RBMS3: variants seen among roughly 807,000 people sequenced by gnomAD.
The protein encoded by RBMS3 is RNA binding motif single stranded interacting protein 3, also known as RNA-binding motif, single-stranded-interacting protein 3.
RBMS3 carries 27 observed loss-of-function variants against 66.8 expected under a neutral mutation model. The observed-to-expected ratio is 0.40, with a 90% CI of 0.30 to 0.56. The LOEUF (loss-of-function observed/expected upper bound fraction) is 0.56. RBMS3 is among the 20% of genes least tolerant of loss of function. The pLI is 0.40. For synonymous variants in RBMS3, 188 were observed against 183.0 expected (o/e 1.03, Z -0.22); for missense variants, 513 against 549.5 (o/e 0.93, Z 0.66).
At chr3:29,812,116 T>A (rs1225286895) in intron 6 of RBMS3, among the ~76,000 whole-genome samples, 1 of 152,144 alleles carries the variant, frequency 6.6e-6, no homozygotes, top group Non-Finnish European at 1.5e-5. Context: ...GACAGGACAG[T>A]TAGGATCCAA....
At chr3:29,751,025 G>A (rs2055158554) in intron 5 of RBMS3, among the ~76,000 whole-genome samples, 1 of 152,084 alleles carries the variant, frequency 6.6e-6, no homozygotes, top group East Asian at 1.9e-4. Context: ...CATTTATTTT[G>A]TGAAAATGAT....
At chr3:29,284,862 CTT>C (rs773078453) in intron 1 of RBMS3, among the ~76,000 whole-genome samples, 15 of 112,772 alleles carry the variant, frequency 1.3e-4, no homozygotes, top group Middle Eastern at 6.5e-3. Context: ...ATGAATTTTT[CTT>C]TTTTTTTTTT....
chr3:29,358,002 C>T (rs955553742), intron 1 of RBMS3, among the ~76,000 whole-genome samples: 1 of 152,052 alleles, frequency 6.6e-6, no homozygotes, highest in African/African-American at 2.4e-5. Context: ...CTCTAGGTTG[C>T]CTGTTCACTC....
chr3:30,000,124 A>C (rs1699518056), intron 14 of RBMS3, among the ~76,000 whole-genome samples: 1 of 152,126 alleles, frequency 6.6e-6, no homozygotes, highest in African/African-American at 2.4e-5. Flanking sequence ...AGAATGGGAG[A>C]AAATGTTTGC....
Position 29,547,146 on chromosome 3 carries a change from G to A in RBMS3, c.308-39968G>A, listed in dbSNP as rs2045986188. Among the ~76,000 whole-genome samples the A allele has an allele frequency of 3.3e-5, 5 of 151,952 alleles. No homozygotes were observed. The South Asian group carries it at 1.0e-3, about 32-fold the overall frequency. ...ACATCACCATACCTGGCTAATTTTT[G>A]TAGAGACAGGGTCTGGCAACATTGT... On this transcript the variant is annotated intron_variant, in intron 3 of 14. Transcript: ENST00000383767.
chr3:29,414,293 T>C (rs1315221543), intron 1 of RBMS3, among the ~76,000 whole-genome samples: 5 of 152,198 alleles, frequency 3.3e-5, no homozygotes, highest in Non-Finnish European at 5.9e-5. Flanking sequence ...AATATATCTA[T>C]CCCATGAGAT....
intron 3 of RBMS3, among the ~76,000 whole-genome samples, chr3:29,496,195 CAAAAAAAA>C (rs60639896): frequency 5.4e-5 from 6 of 110,512 alleles, no homozygotes; most frequent in African/African-American, 3.1e-5. Flanking sequence ...CCGCCCACAT[CAAAAAAAA>C]AAAAAAAAAA....
intron 1 of RBMS3, among the ~76,000 whole-genome samples, chr3:29,375,511 A>G (rs993477735): frequency 1.3e-5 from 2 of 152,208 alleles, no homozygotes; most frequent in African/African-American, 4.8e-5. Flanking sequence ...TTCCAAGAAG[A>G]AAACAAATAA....
At chr3:29,708,586 T>G (rs1271856602) in intron 4 of RBMS3, among the ~76,000 whole-genome samples, 1 of 152,218 alleles carries the variant, frequency 6.6e-6, no homozygotes, top group Non-Finnish European at 1.5e-5. Flanking sequence ...CTGGATTTGA[T>G]ATTCCCACCC....
chr3:29,858,532 C>T (rs1382277232), intron 6 of RBMS3, among the ~76,000 whole-genome samples: 2 of 152,196 alleles, frequency 1.3e-5, no homozygotes, highest in East Asian at 1.9e-4. Flanking sequence ...TCTGTTGCTA[C>T]ATCAACCAAC....
intron 3 of RBMS3, among the ~76,000 whole-genome samples, chr3:29,532,248 ATATATATATATATG>A (rs1197276308): frequency 0.042 from 3,805 of 90,360 alleles, 131 homozygotes; most frequent in Non-Finnish European, 0.043. Flanking sequence ...ATATATATGT[ATATATATATATATG>A]TATATATATA....
chr3:29,543,790 G>A (rs111765354), intron 3 of RBMS3, among the ~76,000 whole-genome samples: 1,713 of 152,174 alleles, frequency 0.011, 22 homozygotes, highest in African/African-American at 0.035. Context: ...ATTGCTTAAG[G>A]TGTGTTCTGT....
chr3:29,466,687 G>T (rs922633051), intron 2 of RBMS3, among the ~76,000 whole-genome samples: 14 of 152,164 alleles, frequency 9.2e-5, no homozygotes, highest in African/African-American at 3.4e-4. Context: ...ACTTAAGGAA[G>T]CAGGAGGCTG....
intron 4 of RBMS3, among the ~76,000 whole-genome samples, chr3:29,658,007 G>C (rs139927634): frequency 6.6e-6 from 1 of 152,164 alleles, no homozygotes; most frequent in Non-Finnish European, 1.5e-5. Context: ...TCTTTAGGCC[G>C]TAGAGTGTAG....
chr3:29,371,858 A>T (rs2038220673), intron 1 of RBMS3, among the ~76,000 whole-genome samples: 1 of 152,192 alleles, frequency 6.6e-6, no homozygotes. Flanking sequence ...AGTTTCATTT[A>T]CAAGAAGTTT....
intron 4 of RBMS3, among the ~76,000 whole-genome samples, chr3:29,706,133 C>G (rs997550092): frequency 4.6e-5 from 7 of 152,104 alleles, no homozygotes; most frequent in Non-Finnish European, 1.0e-4. Context: ...GAAGCATATG[C>G]CATTAGGTGT....
intron 4 of RBMS3, among the ~76,000 whole-genome samples, chr3:29,689,691 C>T (rs1468733493): frequency 1.3e-5 from 2 of 151,874 alleles, no homozygotes; most frequent in Non-Finnish European, 2.9e-5. Flanking sequence ...ATTATTTTTT[C>T]TCAGTTATTA....
chr3:29,702,832 C>G (rs1001584315), intron 4 of RBMS3, among the ~76,000 whole-genome samples: 1 of 152,184 alleles, frequency 6.6e-6, no homozygotes, highest in African/African-American at 2.4e-5. Context: ...GGAACAAACT[C>G]TGGACACACC....
intron 2 of RBMS3, among the ~76,000 whole-genome samples, chr3:29,471,813 AATTT>A (rs934521080): frequency 1.4e-5 from 2 of 145,504 alleles, no homozygotes; most frequent in Non-Finnish European, 3.0e-5. Flanking sequence ...GTTATCTGAT[AATTT>A]ATTCTCATCT....
Sources: gnomAD v4.1 joint callset for allele counts (sites outside exome capture counted in the v4.1 genomes callset) on GRCh38, gnomAD v4.1.1 for gene constraint, MANE v1.5 for transcripts, NCBI Gene and HGNC (gene_info 2026-07-23, HGNC 2026-07-21) for gene names.